Variants in DOCK3 observed in about 807,000 individuals in gnomAD.
DOCK3 encodes dedicator of cytokinesis protein 3.
In DOCK3, 60 loss-of-function variants were observed where a neutral mutation model predicts 265.6. The ratio of observed to expected loss-of-function variants is 0.23; its 90% confidence interval spans 0.18 to 0.28. The LOEUF (loss-of-function observed/expected upper bound fraction) is 0.28. Ranked by LOEUF, DOCK3 falls within the 10% of genes least tolerant of loss-of-function variation. The pLI, the probability that DOCK3 is intolerant of heterozygous loss-of-function variation, is 1.00. For missense variants in DOCK3, 1,981 were observed against 2,594.3 expected (o/e 0.76, Z 5.14); for synonymous variants, 881 against 938.0 (o/e 0.94, Z 1.11).
chr3:50,787,666 C>A (rs2042252512), intron 2 of DOCK3: 3 of 1,313,150 alleles, frequency 2.3e-6, no homozygotes, highest in East Asian at 2.4e-5. Context: ...TCTTGTAGTT[C>A]TGGGAGTAGG....
chr3:50,778,831 A>G, intron 2 of DOCK3, 73 bp downstream of exon 2: 1 of 1,019,808 alleles, frequency 9.8e-7, no homozygotes, highest in South Asian at 1.8e-5. Flanking sequence ...TTTTGTGCTA[A>G]TAAGATTATA....
At chr3:50,700,771 T>C (rs930679231) in intron 1 of DOCK3, among the ~76,000 whole-genome samples, 1 of 152,220 alleles carries the variant, frequency 6.6e-6, no homozygotes, top group African/African-American at 2.4e-5. Flanking sequence ...TGATATATAC[T>C]GATTTCCTTT....
At chr3:50,754,810 C>T (rs750892665) in intron 1 of DOCK3, among the ~76,000 whole-genome samples, 1 of 152,010 alleles carries the variant, frequency 6.6e-6, no homozygotes, top group Non-Finnish European at 1.5e-5. Context: ...CCATCTGCCT[C>T]GGCCTCCCAA....
chr3:51,353,593 G>A (rs748746061), intron 40 of DOCK3, among the ~76,000 whole-genome samples: 1 of 152,142 alleles, frequency 6.6e-6, no homozygotes, highest in Non-Finnish European at 1.5e-5. Context: ...GCCTGGGCAA[G>A]AGAGTGAGAC....
At chr3:51,117,702 G>A (rs2083801478) in intron 9 of DOCK3, among the ~76,000 whole-genome samples, 1 of 152,138 alleles carries the variant, frequency 6.6e-6, no homozygotes, top group Admixed American at 6.5e-5. Flanking sequence ...GAGTGTATGT[G>A]TCTAGGAATT....
intron 2 of DOCK3, among the ~76,000 whole-genome samples, chr3:50,795,499 AG>A (rs1470262432): frequency 3.3e-5 from 5 of 152,044 alleles, no homozygotes; most frequent in Non-Finnish European, 5.9e-5. Context: ...CTCCTGTCTC[AG>A]CCTCCTGAGT....
At chr3:51,203,569 T>C (rs887250021) in intron 12 of DOCK3, among the ~76,000 whole-genome samples, 2 of 152,106 alleles carry the variant, frequency 1.3e-5, no homozygotes, top group Non-Finnish European at 2.9e-5. Context: ...GAATCAATAC[T>C]GTGAAAATGG....
At chr3:50,941,794 T>A (rs1432271704) in intron 5 of DOCK3, among the ~76,000 whole-genome samples, 1 of 152,094 alleles carries the variant, frequency 6.6e-6, no homozygotes, top group Admixed American at 6.5e-5. Context: ...TAAAAAAATG[T>A]ACCTTCAAAG....
At chr3:50,889,066 GGTGT>G (rs36180907) in intron 3 of DOCK3, among the ~76,000 whole-genome samples, 9,554 of 134,004 alleles carry the variant, frequency 0.071, 397 homozygotes, top group African/African-American at 0.14. Flanking sequence ...TTAAGCCATG[GGTGT>G]GTGTGTGTGT....
At chr3:50,772,475 A>G (rs1376685466) in intron 1 of DOCK3, among the ~76,000 whole-genome samples, 1 of 152,162 alleles carries the variant, frequency 6.6e-6, no homozygotes, top group Non-Finnish European at 1.5e-5. Flanking sequence ...CAAAGGATAA[A>G]TGCTTGAGGG....
intron 1 of DOCK3, among the ~76,000 whole-genome samples, chr3:50,728,225 A>T (rs1158810037): frequency 6.6e-6 from 1 of 152,236 alleles, no homozygotes; most frequent in African/African-American, 2.4e-5. Context: ...ATATTTTGTC[A>T]TGCAGGGTAG....
At chr3:51,124,868 G>A (rs2084194296) in intron 9 of DOCK3, among the ~76,000 whole-genome samples, 1 of 151,566 alleles carries the variant, frequency 6.6e-6, no homozygotes, top group African/African-American at 2.4e-5. Context: ...GGTGGCTCAT[G>A]CCTGTAATCC....
At chr3:50,994,131 G>A (rs190251883) in intron 5 of DOCK3, among the ~76,000 whole-genome samples, 2 of 152,296 alleles carry the variant, frequency 1.3e-5, no homozygotes, top group African/African-American at 4.8e-5. Flanking sequence ...GACAAGTAGT[G>A]AAGACCTGGT....
intron 27 of DOCK3, among the ~76,000 whole-genome samples, chr3:51,298,925 G>T (rs534498200): frequency 6.6e-6 from 1 of 152,100 alleles, no homozygotes; most frequent in Non-Finnish European, 1.5e-5. Context: ...AATCCTTTGG[G>T]TATATACCCA....
chr3:50,978,793 T>C (rs1338957162), intron 5 of DOCK3, among the ~76,000 whole-genome samples: 1 of 152,168 alleles, frequency 6.6e-6, no homozygotes, highest in Non-Finnish European at 1.5e-5. Context: ...TAGCAATCAG[T>C]GAGTCTCCGT....
chr3:50,875,988 A>G (rs1340948575), intron 3 of DOCK3, among the ~76,000 whole-genome samples: 1 of 152,172 alleles, frequency 6.6e-6, no homozygotes, highest in Non-Finnish European at 1.5e-5. Context: ...GCATTAAAAA[A>G]AATTCTTTAC....
chr3:51,370,915 G>A (rs1215435439), intron 49 of DOCK3, among the ~76,000 whole-genome samples: 6 of 152,174 alleles, frequency 3.9e-5, no homozygotes, highest in African/African-American at 1.4e-4. Context: ...TGGTCAGCTT[G>A]GGGTGCGACT....
intron 1 of DOCK3, among the ~76,000 whole-genome samples, chr3:50,698,577 T>C (rs2035825329): frequency 7.2e-6 from 1 of 138,564 alleles, no homozygotes; most frequent in Non-Finnish European, 1.5e-5. Context: ...CTGGATCATA[T>C]GGTAATTTTT....
chr3:50,786,944 C>T (rs2042214350), intron 2 of DOCK3: 3 of 740,148 alleles, frequency 4.1e-6, no homozygotes, highest in African/African-American at 3.4e-5. Flanking sequence ...ACAGGTTTCA[C>T]ATGTAAATGG....
Sources: allele counts gnomAD v4.1 joint callset (sites outside exome capture counted in the v4.1 genomes callset), GRCh38; gene constraint gnomAD v4.1.1; transcripts MANE v1.5; gene names NCBI Gene and HGNC (gene_info 2026-07-23, HGNC 2026-07-21).